Variants in UBE4B observed in about 807,000 individuals in gnomAD.
UBE4B encodes ubiquitin conjugation factor E4 B.
A neutral mutation model predicts 148.1 loss-of-function variants in UBE4B; 27 were observed. That is an observed-to-expected ratio of 0.18 (90% CI 0.13 to 0.25). The LOEUF is 0.25. Among genes scored for constraint, UBE4B ranks in the 10% least tolerant of loss-of-function variants. UBE4B has a pLI of 1.00. For synonymous variants in UBE4B, 596 were observed against 619.3 expected (o/e 0.96, Z 0.56); for missense variants, 1,170 against 1,662.4 (o/e 0.70, Z 5.15).
chr1:10,039,077 A>C (rs2101767603), intron 1 of UBE4B, among the ~76,000 whole-genome samples: 1 of 151,010 alleles, frequency 6.6e-6, no homozygotes, highest in Non-Finnish European at 1.5e-5. Context: ...AACAAACAAA[A>C]AAACACACAC....
chr1:10,079,252 G>A (rs1304022651), intron 2 of UBE4B, among the ~76,000 whole-genome samples: 1 of 152,140 alleles, frequency 6.6e-6, no homozygotes, highest in Non-Finnish European at 1.5e-5. Context: ...TCTGCCTCCC[G>A]GGCTCAAGTG....
chr1:10,117,607 T>C lies in UBE4B; in HGVS notation c.1338+7T>C. ...GGAAAAAAAAGCACCAAAGGTAATA[T>C]GAAATGGATTAACTTAAAAAAAAAA... On this transcript the variant is annotated splice_region_variant and intron_variant, in intron 8 of 27. Coordinates refer to ENST00000343090, the MANE Select transcript of UBE4B (RefSeq NM_001105562.3). The C allele has an allele frequency of 6.4e-7, 1 of 1,567,996 alleles. No homozygotes were observed. Among genetic ancestry groups the C allele is most frequent in the Non-Finnish European group, 8.6e-7 (1 of 1,165,566 alleles).
chr1:10,105,276 T>C (rs1645086898), intron 5 of UBE4B, among the ~76,000 whole-genome samples: 1 of 152,228 alleles, frequency 6.6e-6, no homozygotes, highest in Non-Finnish European at 1.5e-5. Context: ...ATATATACTT[T>C]ACCCAGTTTC....
chr1:10,093,691 C>CT lies in UBE4B; in HGVS notation c.212-1760dup, dbSNP rs568375711. Among the ~76,000 whole-genome samples the CT allele has an allele frequency of 1.0e-4, 15 of 148,906 alleles. 1 individual carries two copies. The highest frequency in any genetic ancestry group is 4.3e-4 in the South Asian group (2 of 4,660). On this transcript the variant is annotated intron_variant, in intron 2 of 27. Coordinates refer to ENST00000343090, the MANE Select transcript of UBE4B (RefSeq NM_001105562.3). ...AGTTTCTCTGTTTTCTTTTTTCATA[C>CT]TTTTTTTTTTCTTTTTTTTTTGAGA...
At chr1:10,166,795 C>T (rs533022260) in intron 23 of UBE4B, among the ~76,000 whole-genome samples, 37 of 152,012 alleles carry the variant, frequency 2.4e-4, no homozygotes, top group East Asian at 7.8e-4. Flanking sequence ...CATGGTGGCA[C>T]GCACGTGTAA....
chr1:10,168,048 T>C lies in UBE4B; in HGVS notation c.3199-88T>C. 6.8e-7 allele frequency: 1 copy of C among 1,475,246 alleles called. No homozygotes were observed. Among genetic ancestry groups the C allele is most frequent in the South Asian group, 1.4e-5 (1 of 72,490 alleles). The allele number at this position is 1,475,246 out of a possible 1,614,324, so 91.4% of individuals were successfully genotyped here. The stretch of plus-strand genomic sequence containing the variant: ...TCATTCCCTAAGCATGTTGGGTTTA[T>C]CACGCACTTTCCAGTTATGTGCTTG... On this transcript the variant is annotated intron_variant, in intron 23 of 27. Coordinates refer to ENST00000343090, the MANE Select transcript of UBE4B (RefSeq NM_001105562.3). The surrounding 1 kb of genome is among the most constrained non-coding windows in gnomAD (Gnocchi z 4.9).
At chr1:10,172,920 C>G (rs541780640) in intron 25 of UBE4B, among the ~76,000 whole-genome samples, 1 of 152,196 alleles carries the variant, frequency 6.6e-6, no homozygotes, top group African/African-American at 2.4e-5. Flanking sequence ...CATTGTGTTA[C>G]AACTGCCGAC....
At position 10,152,298 on chromosome 1, in the gene UBE4B, C is replaced by T. The variant is rs528937764; in HGVS notation, c.2926+737C>T. The stretch of plus-strand genomic sequence containing the variant: ...ATAATAATAATAATAATAATAATAC[C>T]ACTTTTCACCTGTCAAATTTATTTC... On this transcript the variant is annotated intron_variant, in intron 21 of 27. Transcript: ENST00000343090. 8.5e-5 allele frequency among the ~76,000 whole-genome samples: 12 copies of T among 140,438 alleles called. No individual in the cohort carries two copies. In the East Asian group the frequency reaches 1.4e-3, roughly 17 times the overall value. 92.1% of individuals were successfully genotyped at this position (140,438 alleles called of 152,430 possible).
At position 10,130,788 on chromosome 1, in the gene UBE4B, T is replaced by G; in HGVS notation, c.1886T>G (p.Leu629Trp). ...LENTRVVSQS[L>W]QHYLELGRQE... ...AACACTCGTGTGGTTAGCCAATCAT[T>G]GCAGCATTACTTAGAGCTCGGAAGG... Residue 629 changes from leucine to tryptophan, a missense_variant, in exon 14 of 28, where the codon TTG (leucine) becomes TGG (tryptophan). Physicochemically the swap from Leu to Trp is moderately conservative, Grantham distance 61. This residue lies in a region of UBE4B where 388 missense variants were observed against 536.0 expected (regional missense o/e 0.72). Transcript: ENST00000343090. 1 of 1,614,216 alleles carries G rather than the reference T, an allele frequency of 6.2e-7. No homozygotes were observed. Among genetic ancestry groups the G allele is most frequent in the Non-Finnish European group, 8.5e-7 (1 of 1,180,038 alleles).
At chr1:10,040,340 C>T (rs1643706677) in intron 1 of UBE4B, among the ~76,000 whole-genome samples, 3 of 152,054 alleles carry the variant, frequency 2.0e-5, no homozygotes, top group South Asian at 4.1e-4. Flanking sequence ...GAACTCCAGA[C>T]CTTGGTGATC....
chr1:10,050,286 G>T (rs1349021263), intron 1 of UBE4B, among the ~76,000 whole-genome samples: 1 of 152,186 alleles, frequency 6.6e-6, no homozygotes, highest in East Asian at 1.9e-4. Flanking sequence ...TGGTCAGGCT[G>T]GTCTTGAACT....
At chr1:10,075,621 A>G (rs565709778) in intron 2 of UBE4B, among the ~76,000 whole-genome samples, 1 of 152,380 alleles carries the variant, frequency 6.6e-6, no homozygotes, top group South Asian at 2.1e-4. Context: ...TGTTTCTCAC[A>G]TAGTCATCAT....
chr1:10,138,632 T>G (rs1169328805), intron 17 of UBE4B, among the ~76,000 whole-genome samples: 1 of 152,230 alleles, frequency 6.6e-6, no homozygotes, highest in African/African-American at 2.4e-5. Context: ...TTTTATTTCT[T>G]TTACTTTTTT....
At chr1:10,123,764 G>A (rs1301994440) in intron 10 of UBE4B, among the ~76,000 whole-genome samples, 1 of 151,940 alleles carries the variant, frequency 6.6e-6, no homozygotes, top group Non-Finnish European at 1.5e-5. Context: ...CACCGTTGTT[G>A]TTTTGTTTTG....
At chr1:10,134,348 T>C (rs1348937093) in intron 15 of UBE4B, among the ~76,000 whole-genome samples, 1 of 151,516 alleles carries the variant, frequency 6.6e-6, no homozygotes, top group East Asian at 2.0e-4. Context: ...CCATCTCTAC[T>C]AAAAATACAA....
chr1:10,057,057 C>A (rs919019746), intron 1 of UBE4B, among the ~76,000 whole-genome samples: 2 of 151,952 alleles, frequency 1.3e-5, no homozygotes. Context: ...GGTGATTGGC[C>A]CGCCTCAGCC....
chr1:10,138,141 A>G (rs1452500614), intron 17 of UBE4B, among the ~76,000 whole-genome samples: 4 of 148,150 alleles, frequency 2.7e-5, no homozygotes, highest in Non-Finnish European at 4.5e-5. Flanking sequence ...TCTGTAGTCC[A>G]GGCTGGAGTC....
chr1:10,060,152 A>T (rs1021256743), intron 1 of UBE4B, among the ~76,000 whole-genome samples: 1 of 152,140 alleles, frequency 6.6e-6, no homozygotes, highest in South Asian at 2.1e-4. Context: ...AAAACAAGCA[A>T]CTACAGTCAT....
intron 10 of UBE4B, among the ~76,000 whole-genome samples, chr1:10,123,116 G>T (rs1645435406): frequency 1.3e-5 from 2 of 152,088 alleles, no homozygotes; most frequent in South Asian, 2.1e-4. Flanking sequence ...CTCTAGAAGG[G>T]TAAGTGAACT....
Sources: gnomAD v4.1 joint callset for allele counts (sites outside exome capture counted in the v4.1 genomes callset) on GRCh38, gnomAD v4.1.1 for gene constraint, gnomAD v4.1.1 regional missense constraint, Gnocchi (gnomAD v3.1) non-coding constraint, MANE v1.5 for transcripts, NCBI Gene and HGNC (gene_info 2026-07-23, HGNC 2026-07-21) for gene names.